The following ANKRD36C variants were observed in gnomAD, a reference collection of about 807,000 sequenced individuals.
The protein encoded by ANKRD36C is ankyrin repeat domain-containing protein 36C.
Under a neutral mutation model 276.4 loss-of-function variants are expected in ANKRD36C, and 61 were observed. The ratio of observed to expected loss-of-function variants is 0.22; its 90% CI spans 0.18 to 0.27. ANKRD36C has a LOEUF of 0.27. Ranked by LOEUF, ANKRD36C falls within the 10% of genes least tolerant of loss-of-function variation. ANKRD36C has a pLI of 1.00. For synonymous variants in ANKRD36C, 483 were observed against 680.1 expected (o/e 0.71, Z 4.51); for missense variants, 1,447 against 2,032.3 (o/e 0.71, Z 5.54).
intron 17 of ANKRD36C, among the ~76,000 whole-genome samples, 166 bp downstream of exon 17, chr2:95,948,364 A>G (rs1475675190): frequency 6.6e-6 from 1 of 152,270 alleles, no homozygotes. Flanking sequence ...AAGTAAAAAA[A>G]AATTAAAATT....
intron 42 of ANKRD36C, among the ~76,000 whole-genome samples, chr2:95,911,615 T>G (rs1676927467): frequency 6.6e-6 from 1 of 151,482 alleles, no homozygotes; most frequent in African/African-American, 2.4e-5. Context: ...TGAGTTTTTA[T>G]GCCAATTCAA....
chr2:95,972,464 T>G (rs1391727691), intron 6 of ANKRD36C, among the ~76,000 whole-genome samples: 1 of 152,222 alleles, frequency 6.6e-6, no homozygotes, highest in Non-Finnish European at 1.5e-5. Context: ...CGGAAGCTTG[T>G]GCCTGGCTTC....
At chr2:95,987,320 A>G (rs1282234664) in intron 1 of ANKRD36C, 114 bp from the exon 2 acceptor site, 1 of 1,466,590 alleles carries the variant, frequency 6.8e-7, no homozygotes, top group African/African-American at 1.4e-5. Context: ...TACATTTGTT[A>G]GCGCTTATTA....
intron 42 of ANKRD36C, among the ~76,000 whole-genome samples, chr2:95,909,573 C>A (rs888942715): frequency 9.7e-6 from 1 of 103,180 alleles, no homozygotes; most frequent in Non-Finnish European, 1.9e-5. Flanking sequence ...TCATGTTGTT[C>A]TCTAAAGAAG....
At position 95,924,068 on chromosome 2, in the gene ANKRD36C, T is replaced by G. The variant is rs1677345263; in HGVS notation, c.2042-379A>C. Among the ~76,000 whole-genome samples, 9 of 151,754 alleles carry G rather than the reference T, an allele frequency of 5.9e-5. No homozygotes were observed. The South Asian group carries it at 1.9e-3, about 31-fold the overall frequency. ...TCCTCCATGTCTTTCATGCAAGCTA[T>G]CAAAAGGATTTACACTAGTATACTA... On this transcript the variant is annotated intron_variant, in intron 30 of 66. Transcript: ENST00000456556.
Position 95,916,469 on chromosome 2 carries a change from G to A in ANKRD36C, c.2348-298C>T, listed in dbSNP as rs540542225. ...TATGCTGAGTGATGAGGACAAATGT[G>A]ATCTAAAATCAGAGGAGCAACTCAT... is the stretch of plus-strand genomic sequence containing the variant. On this transcript the variant is annotated intron_variant, in intron 36 of 66. Coordinates refer to ENST00000456556, the Ensembl canonical transcript of ANKRD36C. Among the ~76,000 whole-genome samples the A allele has an allele frequency of 5.3e-5, 8 of 151,756 alleles. No individual in the cohort carries two copies. The South Asian group carries it at 1.7e-3, about 31-fold the overall frequency.
At chr2:95,878,609 G>T (rs1558624416) in intron 58 of ANKRD36C, among the ~76,000 whole-genome samples, 1 of 152,098 alleles carries the variant, frequency 6.6e-6, no homozygotes, top group Non-Finnish European at 1.5e-5. Context: ...CTAAATTTGT[G>T]TTCCTTTCCC....
At chr2:95,977,389 A>T (rs985896670) in intron 6 of ANKRD36C, among the ~76,000 whole-genome samples, 8 of 152,226 alleles carry the variant, frequency 5.3e-5, no homozygotes, top group African/African-American at 1.4e-4. Flanking sequence ...ACAGGAAAAA[A>T]ATTCCCTATC....
chr2:95,894,092 T>C (rs1298062823), intron 44 of ANKRD36C: 1 of 301,250 alleles, frequency 3.3e-6, no homozygotes, highest in Admixed American at 4.8e-5. Flanking sequence ...TGATCCCACA[T>C]TTCTTTCATG....
chr2:95,959,379 G>C (rs1346457830), intron 10 of ANKRD36C, among the ~76,000 whole-genome samples: 1 of 152,152 alleles, frequency 6.6e-6, no homozygotes, highest in South Asian at 2.1e-4. Context: ...CCGCTGTGGA[G>C]TCATAATGTG....
At chr2:95,865,747 C>A (rs895838112) in intron 60 of ANKRD36C, among the ~76,000 whole-genome samples, 1 of 152,006 alleles carries the variant, frequency 6.6e-6, no homozygotes, top group Non-Finnish European at 1.5e-5. Context: ...TGTTGGCAAT[C>A]AAAAAGTCTG....
chr2:95,859,990 A>T, exon 61 of ANKRD36C: 8 of 1,549,074 alleles, frequency 5.2e-6, no homozygotes, highest in Non-Finnish European at 6.1e-6. Flanking sequence ...TTTTACTCTA[A>T]GTTGCTCACA....
chr2:95,859,771 A>G (rs1049086564), intron 61 of ANKRD36C, 90 bp downstream of exon 81: 8 of 1,416,968 alleles, frequency 5.6e-6, no homozygotes, highest in Non-Finnish European at 6.7e-6. Flanking sequence ...GTTAAATCCT[A>G]GAAGGAAAGT....
At chr2:95,989,294 G>C (rs1335619148) in intron 1 of ANKRD36C, among the ~76,000 whole-genome samples, 2 of 151,982 alleles carry the variant, frequency 1.3e-5, no homozygotes, top group Non-Finnish European at 2.9e-5. Context: ...ACATTTACTA[G>C]AAGTTTTAAA....
At chr2:95,980,948 C>T (rs914579721) in intron 4 of ANKRD36C, among the ~76,000 whole-genome samples, 163 bp from the exon 5 acceptor site, 4 of 151,990 alleles carry the variant, frequency 2.6e-5, no homozygotes, top group Non-Finnish European at 4.4e-5. Context: ...TTGCAAGTTA[C>T]CACAAAGGTT....
intron 6 of ANKRD36C, among the ~76,000 whole-genome samples, chr2:95,963,897 A>T (rs1427048551): frequency 2.3e-5 from 3 of 128,594 alleles, no homozygotes; most frequent in African/African-American, 6.0e-5. Context: ...CTAAATCACA[A>T]GAGACTTCTT....
At position 95,919,483 on chromosome 2, in the gene ANKRD36C, T is replaced by C. The variant is rs529403872; in HGVS notation, c.2246-1441A>G. ...CCCCAGAACCCCTTATGTCTTGAACTGCTCTCCCTATTTCTTCTTCCCAAT... is the reference window on the plus strand; with the variant it reads ...CCCCAGAACCCCTTATGTCTTGAACCGCTCTCCCTATTTCTTCTTCCCAAT... On this transcript the variant is annotated intron_variant, in intron 34 of 66. Transcript: ENST00000456556. 1.3e-3 allele frequency among the ~76,000 whole-genome samples: 168 copies of C among 133,430 alleles called. 20 individuals are homozygous for C. The highest frequency in any genetic ancestry group is 3.8e-3 in the African/African-American group (149 of 39,144). The allele number at this position is 133,430 out of a possible 152,430, so 87.5% of individuals were successfully genotyped here.
At chr2:95,972,030 T>C (rs982506707) in intron 6 of ANKRD36C, among the ~76,000 whole-genome samples, 1 of 152,156 alleles carries the variant, frequency 6.6e-6, no homozygotes, top group African/African-American at 2.4e-5. Flanking sequence ...CACTATCAAA[T>C]AGAATTTTTA....
Position 95,870,886 on chromosome 2 carries a change from C to T in ANKRD36C, c.3541-3305G>A, listed in dbSNP as rs946691324. Reference sequence around the variant, plus strand: ...TGAAGAGTGCAGAAGCCTCAGGAGCCGATGCAATCAACTGGAAGAAAGGGT... The same window carrying T: ...TGAAGAGTGCAGAAGCCTCAGGAGCTGATGCAATCAACTGGAAGAAAGGGT... On this transcript the variant is annotated intron_variant, in intron 59 of 66. Coordinates refer to ENST00000456556, the Ensembl canonical transcript of ANKRD36C. 7.2e-5 allele frequency among the ~76,000 whole-genome samples: 11 copies of T among 151,818 alleles called. No individual in the cohort carries two copies. The East Asian group carries it at 1.5e-3, about 21-fold the overall frequency.
Sources: gnomAD v4.1 joint callset for allele counts (sites outside exome capture counted in the v4.1 genomes callset) on GRCh38, gnomAD v4.1.1 for gene constraint, MANE v1.5 for transcripts, NCBI Gene and HGNC (gene_info 2026-07-23, HGNC 2026-07-21) for gene names.